ANK2: variants seen among roughly 807,000 people sequenced by gnomAD.
ANK2 encodes the protein ankyrin-2.
In ANK2, 83 loss-of-function variants were observed where a neutral mutation model predicts 360.5. That is an observed-to-expected ratio of 0.23 (90% confidence interval 0.19 to 0.28). ANK2 has a LOEUF of 0.28. Ranked by LOEUF, ANK2 falls within the 10% of genes least tolerant of loss-of-function variation. The pLI is 1.00. For synonymous variants in ANK2, 1,740 were observed against 1,759.5 expected (o/e 0.99, Z 0.28); for missense variants, 4,201 against 4,795.7 (o/e 0.88, Z 3.66).
At chr4:113,380,029 C>T (rs1260726211) in intron 45 of ANK2, among the ~76,000 whole-genome samples, 7 of 152,130 alleles carry the variant, frequency 4.6e-5, no homozygotes, top group Non-Finnish European at 1.0e-4. Flanking sequence ...CTTGGTCCCA[C>T]TGTGTGCTAA....
chr4:113,313,789 G>GGGGTGA (rs2081331176), intron 24 of ANK2: 1 of 149,106 alleles, frequency 6.7e-6, no homozygotes. Context: ...TTGCCGGGGC[G>GGGGTGA]GGGGGTGAGG....
the ANK2 span, chr4:112,788,013 T>C: frequency 3.9e-6 from 3 of 775,612 alleles, no homozygotes; most frequent in Admixed American, 6.2e-5. Context: ...TATTACCCAA[T>C]GTATTTCTTT....
rs565256699 is a variant in ANK2 at position 113,118,104 on chromosome 4, A to G, written c.85-56312A>G. Among the ~76,000 whole-genome samples, 4 of 152,326 alleles carry G rather than the reference A, an allele frequency of 2.6e-5. No individual in the cohort carries two copies. In the East Asian group the frequency reaches 7.7e-4, roughly 29 times the overall value. ...GGGATGAAATGTTGATTCCTTTTAC[A>G]TTGAACTATTGTTTCTTTCTCTTAA... is the stretch of plus-strand genomic sequence containing the variant. On this transcript the variant is annotated intron_variant, in intron 1 of 45. Coordinates refer to ENST00000357077, the MANE Select transcript of ANK2 (RefSeq NM_001148.6).
chr4:112,803,120 A>C, the ANK2 span, among the ~76,000 whole-genome samples: 1 of 152,118 alleles, frequency 6.6e-6, no homozygotes, highest in Admixed American at 6.6e-5. Context: ...TCTCCTTTCA[A>C]GTTTCTCCAG....
intron 15 of ANK2, among the ~76,000 whole-genome samples, chr4:113,274,865 C>G (rs2059671028): frequency 6.6e-6 from 1 of 152,094 alleles, no homozygotes; most frequent in Non-Finnish European, 1.5e-5. Context: ...CTAATTAATG[C>G]CAATGTTTCT....
chr4:112,959,754 G>T (rs563227232), intron 2 of ANK2, among the ~76,000 whole-genome samples: 5 of 152,282 alleles, frequency 3.3e-5, no homozygotes, highest in Non-Finnish European at 7.3e-5. Context: ...AAGAGTGGAA[G>T]TACAAGAAAT....
At chr4:113,146,175 C>T (rs1214129799) in intron 1 of ANK2, among the ~76,000 whole-genome samples, 1 of 152,152 alleles carries the variant, frequency 6.6e-6, no homozygotes, top group Non-Finnish European at 1.5e-5. Context: ...GCTTCCTCTT[C>T]ATGTTATGCA....
At position 113,119,377 on chromosome 4, in the gene ANK2, C is replaced by T. The variant is rs1271429039; in HGVS notation, c.85-55039C>T. On this transcript the variant is annotated intron_variant, in intron 1 of 45. Coordinates refer to ENST00000357077, the MANE Select transcript of ANK2 (RefSeq NM_001148.6). ...TATTTATTTTCTAGATAGACAGTCCCTCCCCCAACCCCACCACACACACAT... is the reference window on the plus strand; with the variant it reads ...TATTTATTTTCTAGATAGACAGTCCTTCCCCCAACCCCACCACACACACAT... 3.3e-5 allele frequency among the ~76,000 whole-genome samples: 5 copies of T among 151,962 alleles called. 1 individual carries two copies. In the South Asian group the frequency reaches 8.3e-4, roughly 25 times the overall value.
chr4:112,957,602 C>T (rs1246742424), intron 2 of ANK2, among the ~76,000 whole-genome samples: 7 of 149,874 alleles, frequency 4.7e-5, no homozygotes, highest in African/African-American at 1.5e-4. Flanking sequence ...CGGGCAGAGG[C>T]GCCCCTCACC....
Position 113,354,820 on chromosome 4 carries a change from G to T in ANK2, c.6202G>T (p.Val2068Phe). The change falls in exon 38 of 46, where the codon GTT becomes TTT. Residue 2068 changes from valine to phenylalanine, a missense_variant. This residue lies in a region of ANK2 where 2,642 missense variants were observed against 2,714.5 expected (regional missense o/e 0.97). Coordinates refer to ENST00000357077, the MANE Select transcript of ANK2 (RefSeq NM_001148.6). ...GGGCACAGCAGAATCCAAAAGAGGAGTTCGTGTTTCCTCCATAGGAGTTAA... is the reference window on the plus strand; with the variant it reads ...GGGCACAGCAGAATCCAAAAGAGGATTTCGTGTTTCCTCCATAGGAGTTAA... ...VTGTAESKRG[V>F]RVSSIGVKKE... 6.2e-7 allele frequency: 1 copy of T among 1,614,148 alleles called. No individual in the cohort carries two copies. Among genetic ancestry groups the T allele is most frequent in the Non-Finnish European group, 8.5e-7 (1 of 1,180,008 alleles).
chr4:113,321,547 G>A (rs567617183), intron 26 of ANK2, among the ~76,000 whole-genome samples: 1 of 152,268 alleles, frequency 6.6e-6, no homozygotes, highest in South Asian at 2.1e-4. Context: ...GTATTTGAAA[G>A]CTACCATGAT....
intron 10 of ANK2, among the ~76,000 whole-genome samples, chr4:113,250,209 T>C (rs554464989): frequency 6.6e-6 from 1 of 152,324 alleles, no homozygotes; most frequent in East Asian, 1.9e-4. Context: ...ATGAAACATA[T>C]ATAAAATTAT....
chr4:113,337,405 G>T (rs747610861), intron 31 of ANK2, among the ~76,000 whole-genome samples: 5 of 152,162 alleles, frequency 3.3e-5, no homozygotes, highest in Non-Finnish European at 7.4e-5. Flanking sequence ...CTCCCAGAAC[G>T]TTGGTAGTCT....
intron 3 of ANK2, among the ~76,000 whole-genome samples, chr4:113,196,864 A>C (rs2098755671): frequency 6.6e-6 from 1 of 152,188 alleles, no homozygotes; most frequent in South Asian, 2.1e-4. Flanking sequence ...GTTGGCTAGA[A>C]CACCAAGATT....
the ANK2 span, among the ~76,000 whole-genome samples, chr4:112,748,009 G>A: frequency 6.6e-6 from 1 of 152,036 alleles, no homozygotes; most frequent in Non-Finnish European, 1.5e-5. Flanking sequence ...AGATTATAAT[G>A]TGTTCTACAT....
intron 4 of ANK2, among the ~76,000 whole-genome samples, chr4:113,215,804 A>C (rs115986590): frequency 0.037 from 5,674 of 152,064 alleles, 126 homozygotes; most frequent in East Asian, 0.067. Flanking sequence ...AAAACACAAA[A>C]ACAAAAACAA....
chr4:112,824,920 A>G (rs548966971), intron 1 of ANK2, among the ~76,000 whole-genome samples: 49 of 152,330 alleles, frequency 3.2e-4, no homozygotes, highest in African/African-American at 1.1e-3. Context: ...TTGGTAAAAA[A>G]ACCAGTTCTG....
intron 1 of ANK2, among the ~76,000 whole-genome samples, chr4:112,900,132 C>T (rs2082879230): frequency 6.6e-6 from 1 of 152,188 alleles, no homozygotes; most frequent in Non-Finnish European, 1.5e-5. Context: ...TTTGTTCCAT[C>T]TGTCTTCCAC....
At chr4:113,342,238 TA>T (rs1157340259) in intron 33 of ANK2, among the ~76,000 whole-genome samples, 1 of 152,228 alleles carries the variant, frequency 6.6e-6, no homozygotes, top group African/African-American at 2.4e-5. Context: ...TTGTTGTCCT[TA>T]TTTTTTAATA....
Sources: allele counts gnomAD v4.1 joint callset (sites outside exome capture counted in the v4.1 genomes callset), GRCh38; gene constraint gnomAD v4.1.1; regional missense constraint gnomAD v4.1.1; transcripts MANE v1.5; gene names NCBI Gene and HGNC (gene_info 2026-07-23, HGNC 2026-07-21).